The following ACP5 variants were observed in gnomAD, a reference collection of about 807,000 sequenced individuals.
ACP5 encodes acid phosphatase 5, tartrate resistant.
A neutral mutation model predicts 28.7 loss-of-function variants in ACP5; 24 were observed. The observed-to-expected ratio is 0.84, with a 90% confidence interval of 0.61 to 1.18. ACP5 has a LOEUF of 1.18. Among genes scored for constraint, ACP5 ranks in the 50% most tolerant of loss-of-function variants. The pLI is 0.00. For synonymous variants in ACP5, 154 were observed against 181.4 expected (o/e 0.85, Z 1.21); for missense variants, 354 against 422.2 (o/e 0.84, Z 1.42).
chr19:11,577,504 G>A lies in ACP5; in HGVS notation c.-1+89C>T, dbSNP rs1284662300. Reference sequence around the variant, plus strand: ...GCTGCACAAGCTGGCTTAGGGAAGGGGGGCGCGGTCTGTGAGAGGGCGAGC... The same window carrying A: ...GCTGCACAAGCTGGCTTAGGGAAGGAGGGCGCGGTCTGTGAGAGGGCGAGC... On this transcript the variant is annotated intron_variant, in intron 1 of 4. Coordinates refer to ENST00000648477, the MANE Select transcript of ACP5 (RefSeq NM_001611.5). The surrounding 1 kb of genome is among the most constrained non-coding windows in gnomAD (Gnocchi z 5.7). 4 of 700,196 alleles carry A rather than the reference G, an allele frequency of 5.7e-6. No homozygotes were observed. The highest frequency in any genetic ancestry group is 2.2e-5 in the Admixed American group (1 of 44,768). The allele number at this position is 700,196 out of a possible 1,614,324, so 43.4% of individuals were successfully genotyped here. A position where few individuals can be genotyped will look rare whatever the true frequency, so the allele number is the denominator to read the frequency against.
At chr19:11,577,756 A>T (rs946608788), upstream of ACP5, 10 of 273,008 alleles carry the variant, frequency 3.7e-5, no homozygotes, top group Admixed American at 3.3e-4. The surrounding 1 kb of genome is among the most constrained non-coding windows in gnomAD (Gnocchi z 5.7). Flanking sequence ...CCCTTGGGTC[A>T]TGTGAGCCCT....
At chr19:11,575,762 CAGG>C (rs903051680) in intron 4 of ACP5, among the ~76,000 whole-genome samples, 11 of 149,982 alleles carry the variant, frequency 7.3e-5, no homozygotes, top group African/African-American at 2.5e-4. Flanking sequence ...GAGGCTGAGA[CAGG>C]AGAATTGCTT....
rs147105591 is a variant in ACP5, at chr19:11,576,501, T to G, written c.477A>C (p.Thr159=). The G allele has an allele frequency of 2.5e-6, 4 of 1,614,024 alleles. No individual in the cohort carries two copies. The African/African-American group carries it at 5.3e-5, about 22-fold the overall frequency. ...SVAIFMLDTV[T]LCGNSDDFLS... ...GGAAGTCATCTGAGTTGCCACATAG[T>G]GTCACTGTGTCCAGCATAAAAATGG... The change falls in exon 4 of 5, where the codon ACA becomes ACC. Residue 159 remains threonine, a synonymous_variant. Transcript: ENST00000648477.
In ACP5 at chr19:11,576,270, G is replaced by T; in HGVS notation, c.708C>A (p.Tyr236Ter). 1 of 1,608,946 alleles carries T rather than the reference G, an allele frequency of 6.2e-7. No homozygotes were observed. ...PLLATYGVTA[Y>*]LCGHDHNLQY... ...GCAGATTGTGATCGTGGCCGCACAGGTAGGCAGTGACCCCGTATGTGGCCA... is the reference window on the plus strand; with the variant it reads ...GCAGATTGTGATCGTGGCCGCACAGTTAGGCAGTGACCCCGTATGTGGCCA... The change falls in exon 4 of 5, where the codon TAC (tyrosine) becomes TAA (stop). Residue 236 changes from tyrosine to a stop codon, truncating the protein, a stop_gained. Coordinates refer to ENST00000648477, the MANE Select transcript of ACP5 (RefSeq NM_001611.5). LOFTEE classifies it high-confidence loss of function.
At position 11,577,088 on chromosome 19, in the gene ACP5, C is replaced by T; in HGVS notation, c.230G>A (p.Gly77Asp). 1 of 1,614,116 alleles carries T rather than the reference C, an allele frequency of 6.2e-7. No homozygotes were observed. The highest frequency in any genetic ancestry group is 2.2e-5 in the East Asian group (1 of 44,866). Residue 77 changes from glycine (G) to aspartate (D), a missense_variant, in exon 2 of 5, where the codon GGT (glycine) becomes GAT (aspartate). Gly to Asp is a moderately conservative substitution (Grantham distance 94). Transcript: ENST00000648477. This position sits in a 1 kb window ranked among gnomAD's most constrained non-coding sequence, Gnocchi z 5.7. The part of the protein sequence containing the change: ...LSLGDNFYFT[G>D]VQDINDKRFQ... Reference sequence around the variant, plus strand: ...CCTCTTGTCATTGATGTCTTGCACACCAGTGAAGTAAAAATTGTCCCCTAG... The same window carrying T: ...CCTCTTGTCATTGATGTCTTGCACATCAGTGAAGTAAAAATTGTCCCCTAG...
In ACP5 at chr19:11,576,483, A is replaced by G. The variant is rs757465602; in HGVS notation, c.495T>C (p.Asp165=). The G allele has an allele frequency of 7.9e-5, 128 of 1,614,030 alleles. No individual in the cohort carries two copies. Among genetic ancestry groups the G allele is most frequent in the Non-Finnish European group, 1.0e-4 (121 of 1,180,022 alleles). The change falls in exon 4 of 5, where the codon GAT becomes GAC. Residue 165 remains aspartate, a synonymous_variant. Transcript: ENST00000648477. ...TCTCAGGCTGCTGGCTGAGGAAGTCATCTGAGTTGCCACATAGTGTCACTG... is the reference window on the plus strand; with the variant it reads ...TCTCAGGCTGCTGGCTGAGGAAGTCGTCTGAGTTGCCACATAGTGTCACTG... ...LDTVTLCGNS[D]DFLSQQPERP...
At position 11,577,466 on chromosome 19, in the gene ACP5, C is replaced by T; in HGVS notation, c.-1+127G>A. The T allele has an allele frequency of 2.3e-6, 2 of 886,406 alleles. No homozygotes were observed. Among genetic ancestry groups the T allele is most frequent in the Non-Finnish European group, 3.6e-6 (2 of 557,622 alleles). The allele number at this position is 886,406 out of a possible 1,614,324, so 54.9% of individuals were successfully genotyped here. A position where few individuals can be genotyped will look rare whatever the true frequency, so the allele number is the denominator to read the frequency against. ...TTGGTGCCCTAATTCTCAGGACACA[C>T]AAGCTGCACAAGGCTGCACAAGCTG... is the stretch of plus-strand genomic sequence containing the variant. On this transcript the variant is annotated intron_variant, in intron 1 of 4. Coordinates refer to ENST00000648477, the MANE Select transcript of ACP5 (RefSeq NM_001611.5). The surrounding 1 kb of genome is among the most constrained non-coding windows in gnomAD (Gnocchi z 5.7).
At position 11,577,561 on chromosome 19, in the gene ACP5, C is replaced by CCCT. The variant is rs901398077; in HGVS notation, c.-1+29_-1+31dup. The CCCT allele has an allele frequency of 3.4e-5, 20 of 590,958 alleles. No homozygotes were observed. The African/African-American group carries it at 3.5e-4, about 10-fold the overall frequency. 36.6% of individuals were successfully genotyped at this position (590,958 alleles called of 1,614,324 possible). On this transcript the variant is annotated intron_variant, in intron 1 of 4. Coordinates refer to ENST00000648477, the MANE Select transcript of ACP5 (RefSeq NM_001611.5). The surrounding 1 kb of genome is among the most constrained non-coding windows in gnomAD (Gnocchi z 5.7). ...AAGATGGCCCTGCAGGCCCATTTCA[C>CCCT]CCTCCTTCCACCTAGCCTGCCCAGC... is the stretch of plus-strand genomic sequence containing the variant.
At chr19:11,575,916 T>C (rs1599633063) in intron 4 of ACP5, among the ~76,000 whole-genome samples, 1 of 134,188 alleles carries the variant, frequency 7.5e-6, no homozygotes, top group African/African-American at 2.9e-5. Flanking sequence ...AAGTGGGAGG[T>C]TCACCTGAGC....
chr19:11,577,849 G>A (rs898775211), upstream of ACP5: 7 of 220,792 alleles, frequency 3.2e-5, no homozygotes, highest in Non-Finnish European at 5.5e-5. This position sits in a 1 kb window ranked among gnomAD's most constrained non-coding sequence, Gnocchi z 5.7. Context: ...GGCCCACACA[G>A]CCTCCGGGTG....
intron 2 of ACP5, 31 bp from the exon 3 acceptor site, chr19:11,576,874 C>T (rs966848108): frequency 1.2e-6 from 2 of 1,613,944 alleles, no homozygotes; most frequent in Non-Finnish European, 1.7e-6. Flanking sequence ...AGGCCTCTTC[C>T]CTGGGGTCAG....
Position 11,577,431 on chromosome 19 carries a change from C to A in ACP5, c.1-114G>T. 1.6e-6 allele frequency: 2 copies of A among 1,237,494 alleles called. No homozygotes were observed. The highest frequency in any genetic ancestry group is 1.2e-6 in the Non-Finnish European group (1 of 866,698). 76.7% of individuals were successfully genotyped at this position (1,237,494 alleles called of 1,614,324 possible). A position where few individuals can be genotyped will look rare whatever the true frequency, so the allele number is the denominator to read the frequency against. On this transcript the variant is annotated intron_variant, in intron 1 of 4. Transcript: ENST00000648477. This position sits in a 1 kb window ranked among gnomAD's most constrained non-coding sequence, Gnocchi z 5.7. ...GACTGCTTGCTGCAGGCTGCCCCTG[C>A]GGGAACCCCTTGGTGCCCTAATTCT... is the stretch of plus-strand genomic sequence containing the variant.
rs1399049173 is a variant in ACP5 at position 11,576,509 on chromosome 19, T to C, written c.469A>G (p.Thr157Ala). 3.7e-6 allele frequency: 6 copies of C among 1,614,144 alleles called. No homozygotes were observed. The highest frequency in any genetic ancestry group is 1.1e-5 in the South Asian group (1 of 91,076). The change falls in exon 4 of 5, where the codon ACA (threonine) becomes GCA (alanine). Residue 157 changes from threonine to alanine, a missense_variant. Transcript: ENST00000648477. ...NVSVAIFMLD[T>A]VTLCGNSDDF... ...TCTGAGTTGCCACATAGTGTCACTG[T>C]GTCCAGCATAAAAATGGCCACAGAC...
upstream of ACP5, among the ~76,000 whole-genome samples, chr19:11,578,434 C>T (rs1973255639): frequency 6.6e-6 from 1 of 152,108 alleles, no homozygotes; most frequent in African/African-American, 2.4e-5. Context: ...GCAGGAGGAA[C>T]CAGGCAGGAG....
Position 11,576,741 on chromosome 19 carries a change from C to A in ACP5, c.364G>T (p.Ala122Ser). Residue 122 changes from alanine to serine, a missense_variant, in exon 3 of 5, where the codon GCA becomes TCA. Transcript: ENST00000648477. ...CAGCGCTTGGAGATCTTAGAGTATG[C>A]AATCTGGGCAGAGACATTGCCAAGG... ...DHLGNVSAQI[A>S]YSKISKRWNF... The A allele has an allele frequency of 1.9e-6, 3 of 1,614,048 alleles. No homozygotes were observed. Among genetic ancestry groups the A allele is most frequent in the Non-Finnish European group, 2.5e-6 (3 of 1,179,994 alleles).
At position 11,576,492 on chromosome 19, in the gene ACP5, G is replaced by A. The variant is rs1256715640; in HGVS notation, c.486C>T (p.Gly162=). 6.2e-7 allele frequency: 1 copy of A among 1,614,172 alleles called. No homozygotes were observed. The part of the protein sequence containing the change: ...IFMLDTVTLC[G]NSDDFLSQQP... ...GCTGGCTGAGGAAGTCATCTGAGTT[G>A]CCACATAGTGTCACTGTGTCCAGCA... The change falls in exon 4 of 5, where the codon GGC becomes GGT. Residue 162 remains glycine (G), a synonymous_variant. Coordinates refer to ENST00000648477, the MANE Select transcript of ACP5 (RefSeq NM_001611.5).
In ACP5 at chr19:11,577,511, G is replaced by T. The variant is rs930025869; in HGVS notation, c.-1+82C>A. On this transcript the variant is annotated intron_variant, in intron 1 of 4. Transcript: ENST00000648477. This position sits in a 1 kb window ranked among gnomAD's most constrained non-coding sequence, Gnocchi z 5.7. Reference sequence around the variant, plus strand: ...AAGCTGGCTTAGGGAAGGGGGGCGCGGTCTGTGAGAGGGCGAGCTGTACCA... The same window carrying T: ...AAGCTGGCTTAGGGAAGGGGGGCGCTGTCTGTGAGAGGGCGAGCTGTACCA... 5 of 674,088 alleles carry T rather than the reference G, an allele frequency of 7.4e-6. No individual in the cohort carries two copies. Among genetic ancestry groups the T allele is most frequent in the Non-Finnish European group, 1.3e-5 (5 of 384,226 alleles). 41.8% of individuals were successfully genotyped at this position (674,088 alleles called of 1,614,324 possible).
chr19:11,576,374 C>A lies in ACP5; in HGVS notation c.604G>T (p.Val202Leu). Residue 202 changes from valine to leucine, a missense_variant, in exon 4 of 5, where the codon GTG becomes TTG. Physicochemically the swap from Val to Leu is conservative, Grantham distance 32. Coordinates refer to ENST00000648477, the MANE Select transcript of ACP5 (RefSeq NM_001611.5). Reference protein sequence around the residue: ...LAAAREDYVLVAGHYPVWSIA... With the variant: ...LAAAREDYVLLAGHYPVWSIA... ...GACCACACGGGGTAGTGGCCAGCCA[C>A]CAGCACGTAGTCCTCCCTGGCCGCC... The A allele has an allele frequency of 6.2e-7, 1 of 1,610,492 alleles. No individual in the cohort carries two copies. Among genetic ancestry groups the A allele is most frequent in the Non-Finnish European group, 8.5e-7 (1 of 1,177,944 alleles).
chr19:11,575,359 T>C (rs1568428149), intron 4 of ACP5, 107 bp from the exon 5 acceptor site: 5 of 1,359,022 alleles, frequency 3.7e-6, no homozygotes, highest in Non-Finnish European at 5.2e-6. Flanking sequence ...TTGAGGTATG[T>C]AACCCCTCCT....
Sources: gnomAD v4.1 joint callset for allele counts (sites outside exome capture counted in the v4.1 genomes callset) on GRCh38, gnomAD v4.1.1 for gene constraint, Gnocchi (gnomAD v3.1) non-coding constraint, MANE v1.5 for transcripts, NCBI Gene and HGNC (gene_info 2026-07-23, HGNC 2026-07-21) for gene names.